Variants in TEX29 observed in about 807,000 individuals in gnomAD.
TEX29 encodes testis-expressed protein 29.
TEX29 carries 26 observed loss-of-function variants against 18.2 expected under a neutral mutation model. That is an observed-to-expected ratio of 1.43 (90% CI 1.04 to 1.98). TEX29 has a LOEUF of 1.98. Among genes scored for constraint, TEX29 ranks in the 30% most tolerant of loss-of-function variants. The pLI is 0.00. For synonymous variants in TEX29, 83 were observed against 78.5 expected, an observed-to-expected ratio of 1.06 and a Z score of -0.31; for missense variants, 177 against 194.2, an observed-to-expected ratio of 0.91 and a Z score of 0.53.
At chr13:111,338,883 T>C (rs2153642036) in intron 3 of TEX29, among the ~76,000 whole-genome samples, 1 of 152,370 alleles carries the variant, frequency 6.6e-6, no homozygotes, top group Non-Finnish European at 1.5e-5. Flanking sequence ...AGAGGAATGA[T>C]GCTCGTGTAC....
At chr13:111,335,266 C>T (rs535074864) in intron 3 of TEX29, among the ~76,000 whole-genome samples, 5 of 152,272 alleles carry the variant, frequency 3.3e-5, no homozygotes, top group African/African-American at 9.6e-5. Context: ...TGCTTTTTCC[C>T]GAAGGAGTCC....
chr13:111,328,430 T>C (rs1479663515), intron 3 of TEX29, 137 bp downstream of exon 3: 1 of 648,974 alleles, frequency 1.5e-6, no homozygotes, highest in Admixed American at 2.3e-5. Flanking sequence ...GGCCAACTCT[T>C]CTGCTCCGTC....
chr13:111,317,903 G>A (rs1383581498), upstream of TEX29, among the ~76,000 whole-genome samples: 2 of 152,170 alleles, frequency 1.3e-5, no homozygotes, highest in Non-Finnish European at 2.9e-5. Flanking sequence ...ACACCCTCCC[G>A]GTGTCTCTCT....
intron 3 of TEX29, among the ~76,000 whole-genome samples, chr13:111,335,541 C>T (rs1377166056): frequency 6.6e-6 from 1 of 152,198 alleles, no homozygotes; most frequent in East Asian, 1.9e-4. Context: ...GTTTGCTGCT[C>T]ACGTTGCACA....
intron 3 of TEX29, among the ~76,000 whole-genome samples, chr13:111,335,466 T>A (rs536440476): frequency 2.0e-5 from 3 of 152,386 alleles, no homozygotes; most frequent in Admixed American, 2.0e-4. Flanking sequence ...CAGTGGGTGC[T>A]GACTTGGCCA....
rs141472517 is a variant in TEX29 at position 111,339,779 on chromosome 13, A to T, written c.170-84A>T. The T allele has an allele frequency of 1.4e-3, 2,005 of 1,452,948 alleles. 19 individuals carry two copies. The African/African-American group carries it at 0.025, about 18-fold the overall frequency. The allele number at this position is 1,452,948 out of a possible 1,614,324, so 90.0% of individuals were successfully genotyped here. On this transcript the variant is annotated intron_variant, in intron 3 of 5. Transcript: ENST00000283547. ...GCCGCGCCGGGAGGGCCCGCACCCGACTCTGGGAGGGTTGCCTTTTCTTCA... is the reference window on the plus strand; with the variant it reads ...GCCGCGCCGGGAGGGCCCGCACCCGTCTCTGGGAGGGTTGCCTTTTCTTCA...
chr13:111,319,960 G>GTAAC (rs1373272586), upstream of TEX29, among the ~76,000 whole-genome samples: 1 of 152,220 alleles, frequency 6.6e-6, no homozygotes, highest in Non-Finnish European at 1.5e-5. Flanking sequence ...AAATCTGCTA[G>GTAAC]TAACTCCCTA....
chr13:111,318,891 G>A (rs973448515), upstream of TEX29, among the ~76,000 whole-genome samples: 3 of 152,184 alleles, frequency 2.0e-5, no homozygotes, highest in Admixed American at 6.5e-5. Context: ...TATAAACAGC[G>A]GACACTTTTT....
chr13:111,339,974 G>GC, intron 4 of TEX29, 42 bp downstream of exon 4: 1 of 1,379,840 alleles, frequency 7.2e-7, no homozygotes, highest in Non-Finnish European at 1.0e-6. Flanking sequence ...GGGAGGAGGG[G>GC]ACTCACCTCT....
chr13:111,339,637 T>C (rs986891033), intron 3 of TEX29, among the ~76,000 whole-genome samples: 3 of 152,184 alleles, frequency 2.0e-5, no homozygotes, highest in South Asian at 2.1e-4. Context: ...GACTACCACC[T>C]GGAGCTGCCT....
At chr13:111,320,991 CAG>C in intron 2 of TEX29, 43 bp downstream of exon 2, 2 of 516,740 alleles carry the variant, frequency 3.9e-6, no homozygotes, top group East Asian at 8.7e-5. Flanking sequence ...GGTGGGGGAG[CAG>C]TTGGGGGGGG....
intron 5 of TEX29, among the ~76,000 whole-genome samples, chr13:111,343,567 G>C (rs1856484365): frequency 6.6e-6 from 1 of 152,204 alleles, no homozygotes; most frequent in African/African-American, 2.4e-5. Context: ...TGCTTTGGGG[G>C]CCCTTGGAGG....
chr13:111,339,936 G>T lies in TEX29; in HGVS notation c.239+4G>T, dbSNP rs753700076. The T allele has an allele frequency of 4.4e-6, 7 of 1,574,314 alleles. No individual in the cohort carries two copies. Among genetic ancestry groups the T allele is most frequent in the Non-Finnish European group, 3.5e-6 (4 of 1,146,898 alleles). On this transcript the variant is annotated splice_donor_region_variant and intron_variant, in intron 4 of 5. Transcript: ENST00000283547. ...TCGTCATCACCATCATCTACAGGTC[G>T]GTCCCTTTGTTCTTTACTGGGAGGG... is the stretch of plus-strand genomic sequence containing the variant.
At chr13:111,327,904 G>A (rs557700719) in intron 2 of TEX29, among the ~76,000 whole-genome samples, 7 of 152,338 alleles carry the variant, frequency 4.6e-5, no homozygotes, top group African/African-American at 7.2e-5. Context: ...TCTGTCGTGC[G>A]CCGTGCCTGG....
At chr13:111,320,327 T>G (rs1027765028), upstream of TEX29, among the ~76,000 whole-genome samples, 2 of 152,038 alleles carry the variant, frequency 1.3e-5, no homozygotes, top group South Asian at 4.1e-4. Flanking sequence ...GAGAGGGGTG[T>G]CCCAGGAAGG....
In TEX29 at chr13:111,320,760, C is replaced by A; in HGVS notation, c.-37C>A. 9.3e-7 allele frequency: 1 copy of A among 1,080,148 alleles called. No individual in the cohort carries two copies. Among genetic ancestry groups the A allele is most frequent in the Non-Finnish European group, 1.4e-6 (1 of 698,930 alleles). 66.9% of individuals were successfully genotyped at this position (1,080,148 alleles called of 1,614,324 possible). A position where few individuals can be genotyped will look rare whatever the true frequency, so the allele number is the denominator to read the frequency against. On this transcript the variant is annotated splice_region_variant and 5_prime_UTR_variant, in exon 1 of 6. Coordinates refer to ENST00000283547, the MANE Select transcript of TEX29 (RefSeq NM_152324.3). ...GGGGACCCGCCTGGGATGTGAGGCGCAGGTGAGTCGATGAACGCCCCCTCC... is the reference window on the plus strand; with the variant it reads ...GGGGACCCGCCTGGGATGTGAGGCGAAGGTGAGTCGATGAACGCCCCCTCC...
At chr13:111,342,667 A>G in intron 4 of TEX29, 89 bp from the exon 5 acceptor site, 1 of 1,303,590 alleles carries the variant, frequency 7.7e-7, no homozygotes, top group Non-Finnish European at 1.1e-6. Flanking sequence ...CTGTGTTTTC[A>G]GAGGGATGTC....
chr13:111,324,620 A>G (rs1291688275), intron 2 of TEX29, among the ~76,000 whole-genome samples: 2 of 152,000 alleles, frequency 1.3e-5, no homozygotes, highest in South Asian at 2.1e-4. Context: ...TTTCACAGAG[A>G]GAGGGCAAGG....
chr13:111,339,424 C>T (rs2093693950), intron 3 of TEX29: 2 of 448,654 alleles, frequency 4.5e-6, no homozygotes, highest in Non-Finnish European at 8.9e-6. Context: ...ATCTATCCTC[C>T]ACACACTCCC....
Sources: gnomAD v4.1 joint callset for allele counts (sites outside exome capture counted in the v4.1 genomes callset) on GRCh38, gnomAD v4.1.1 for gene constraint, MANE v1.5 for transcripts, NCBI Gene and HGNC (gene_info 2026-07-23, HGNC 2026-07-21) for gene names.